WWOX: variants seen among roughly 807,000 people sequenced by gnomAD.
The protein encoded by WWOX is WW domain-containing oxidoreductase.
In WWOX, 69 loss-of-function variants were observed where a neutral mutation model predicts 46.2. That is an observed-to-expected ratio of 1.49 (90% confidence interval 1.23 to 1.82). The LOEUF is 1.82. Ranked by LOEUF, WWOX falls within the 40% of genes most tolerant of loss-of-function variation. WWOX has a pLI of 0.00. For missense variants in WWOX, 919 were observed against 542.6 expected, an observed-to-expected ratio of 1.69 and a Z score of -6.89; for synonymous variants, 359 against 202.6, an observed-to-expected ratio of 1.77 and a Z score of -6.56.
intron 5 of WWOX, chr16:78,267,270 A>G (rs1567468389): frequency 6.6e-6 from 1 of 152,250 alleles, no homozygotes; most frequent in Non-Finnish European, 1.5e-5. Flanking sequence ...AAGGGGAGAA[A>G]TACTTTTTAG....
At chr16:78,415,304 A>G (rs8053955) in intron 6 of WWOX, among the ~76,000 whole-genome samples, 1 of 151,964 alleles carries the variant, frequency 6.6e-6, no homozygotes, top group Non-Finnish European at 1.5e-5. Flanking sequence ...ATGGATTCAT[A>G]TTAGGGTATA....
intron 6 of WWOX, among the ~76,000 whole-genome samples, chr16:78,419,633 A>G (rs1264266744): frequency 1.4e-5 from 2 of 145,852 alleles, no homozygotes; most frequent in African/African-American, 5.1e-5. Flanking sequence ...AGCAAAAAAA[A>G]AAAAAAAAAA....
At chr16:78,519,555 T>C (rs1597203865) in intron 8 of WWOX, among the ~76,000 whole-genome samples, 1 of 152,152 alleles carries the variant, frequency 6.6e-6, no homozygotes, top group Admixed American at 6.5e-5. Flanking sequence ...GGGTGTGCTA[T>C]GGTTAGAAAG....
chr16:78,114,709 T>G (rs1448420098), intron 3 of WWOX, among the ~76,000 whole-genome samples: 1 of 146,762 alleles, frequency 6.8e-6, no homozygotes, highest in Non-Finnish European at 1.5e-5. Flanking sequence ...TTTTGAGATC[T>G]AAGGATACAT....
At chr16:78,933,823 A>G (rs896426840) in intron 8 of WWOX, among the ~76,000 whole-genome samples, 7 of 152,132 alleles carry the variant, frequency 4.6e-5, no homozygotes, top group African/African-American at 1.4e-4. Flanking sequence ...TCCTCCCACG[A>G]CATTTGGGAA....
intron 8 of WWOX, among the ~76,000 whole-genome samples, chr16:78,668,747 A>T (rs956149554): frequency 6.6e-6 from 1 of 152,030 alleles, no homozygotes; most frequent in Non-Finnish European, 1.5e-5. Context: ...AAGTTGAGTG[A>T]TGGGGAATAA....
intron 8 of WWOX, among the ~76,000 whole-genome samples, chr16:78,961,070 G>A (rs2046262000): frequency 6.6e-6 from 1 of 152,090 alleles, no homozygotes; most frequent in Admixed American, 6.6e-5. Flanking sequence ...TCAGGCCCTT[G>A]AGACTCAGGT....
chr16:79,088,452 G>T (rs2048893741), intron 8 of WWOX, among the ~76,000 whole-genome samples: 1 of 152,216 alleles, frequency 6.6e-6, no homozygotes, highest in South Asian at 2.1e-4. Context: ...AGCCTGATGA[G>T]CACAGGTGAA....
At chr16:78,648,799 C>T (rs139892345) in intron 8 of WWOX, among the ~76,000 whole-genome samples, 1 of 152,306 alleles carries the variant, frequency 6.6e-6, no homozygotes, top group Non-Finnish European at 1.5e-5. Flanking sequence ...CCAAACACAA[C>T]TGATGGTGGC....
chr16:78,646,086 C>G (rs563130420), intron 8 of WWOX, among the ~76,000 whole-genome samples: 2 of 152,168 alleles, frequency 1.3e-5, no homozygotes, highest in African/African-American at 4.8e-5. Context: ...CGCATACTCT[C>G]CTCATGTCAA....
At chr16:78,432,886 G>T (rs2083258595) in intron 8 of WWOX, 134 bp downstream of exon 8, 3 of 1,368,168 alleles carry the variant, frequency 2.2e-6, no homozygotes, top group African/African-American at 2.9e-5. Flanking sequence ...ATCATAAAGG[G>T]CTCTTGAACA....
chr16:78,186,482 T>A (rs1352437188), intron 5 of WWOX, among the ~76,000 whole-genome samples: 1 of 152,194 alleles, frequency 6.6e-6, no homozygotes, highest in East Asian at 1.9e-4. Flanking sequence ...CTTTATTTTA[T>A]GCCAGATGCA....
At chr16:79,074,072 C>G (rs1358102847) in intron 8 of WWOX, among the ~76,000 whole-genome samples, 1 of 151,922 alleles carries the variant, frequency 6.6e-6, no homozygotes, top group Non-Finnish European at 1.5e-5. Context: ...CGAGTGTATA[C>G]AGGCTGAGGA....
chr16:79,170,080 A>T (rs2050671213), intron 8 of WWOX, among the ~76,000 whole-genome samples: 1 of 152,192 alleles, frequency 6.6e-6, no homozygotes, highest in Non-Finnish European at 1.5e-5. Flanking sequence ...AGGATCTCCT[A>T]ACATGTCTGG....
chr16:78,785,129 T>G (rs2050423332), intron 8 of WWOX, among the ~76,000 whole-genome samples: 3 of 152,166 alleles, frequency 2.0e-5, no homozygotes, highest in South Asian at 2.1e-4. Flanking sequence ...TCAATACTAG[T>G]ATGTAAAACT....
At chr16:78,544,954 A>G (rs966380475) in intron 8 of WWOX, among the ~76,000 whole-genome samples, 1 of 152,112 alleles carries the variant, frequency 6.6e-6, no homozygotes, top group African/African-American at 2.4e-5. Flanking sequence ...AGGTGGGAAC[A>G]TCATTTGAGC....
chr16:79,057,101 C>G (rs1192020906), intron 8 of WWOX, among the ~76,000 whole-genome samples: 1 of 152,194 alleles, frequency 6.6e-6, no homozygotes, highest in Non-Finnish European at 1.5e-5. Context: ...ACCCACTAAT[C>G]TGTTATGACT....
chr16:78,362,146 CTTGATT>C (rs2081422781), intron 5 of WWOX, among the ~76,000 whole-genome samples: 1 of 151,894 alleles, frequency 6.6e-6, no homozygotes, highest in African/African-American at 2.4e-5. Context: ...CTGGTGAGAA[CTTGATT>C]TTGAACAGTT....
At chr16:79,048,335 C>G (rs940487117) in intron 8 of WWOX, among the ~76,000 whole-genome samples, 6 of 152,082 alleles carry the variant, frequency 3.9e-5, no homozygotes, top group Non-Finnish European at 8.8e-5. Context: ...CAGCCCCACA[C>G]ACATGCCGGT....
Sources: gnomAD v4.1 joint callset for allele counts (sites outside exome capture counted in the v4.1 genomes callset) on GRCh38, gnomAD v4.1.1 for gene constraint, MANE v1.5 for transcripts, NCBI Gene and HGNC (gene_info 2026-07-23, HGNC 2026-07-21) for gene names.